ZP3: variants seen among roughly 807,000 people sequenced by gnomAD.
ZP3 encodes the protein zona pellucida glycoprotein 3.
A neutral mutation model predicts 35.6 loss-of-function variants in ZP3; 21 were observed. That is an observed-to-expected ratio of 0.59 (90% CI 0.42 to 0.85). The LOEUF (loss-of-function observed/expected upper bound fraction) is 0.85, where lower values mean the gene tolerates loss of function less well. ZP3 is among the 40% of genes least tolerant of loss of function. The probability of loss-of-function intolerance (pLI) is 0.00; values close to 1 mark genes in which losing one functional copy is unlikely to be tolerated. For missense variants in ZP3, 437 were observed against 536.5 expected (o/e 0.81, Z 1.83); for synonymous variants, 207 against 214.5 (o/e 0.96, Z 0.31).
At chr7:76,437,829 G>C (rs1486223209) in intron 5 of ZP3, among the ~76,000 whole-genome samples, 3 of 152,094 alleles carry the variant, frequency 2.0e-5, no homozygotes, top group African/African-American at 7.2e-5. Context: ...CCGCTATAGG[G>C]GAACTGCCCT....
intron 5 of ZP3, among the ~76,000 whole-genome samples, chr7:76,435,333 C>CTAG (rs1805960870): frequency 6.6e-6 from 1 of 152,150 alleles, no homozygotes; most frequent in Admixed American, 6.5e-5. Context: ...TTTTGTATTT[C>CTAG]TAGTAGAGAC....
chr7:76,400,817 G>A (rs1584027230), intron 1 of ZP3, among the ~76,000 whole-genome samples: 2 of 152,234 alleles, frequency 1.3e-5, no homozygotes, highest in Admixed American at 6.5e-5. Flanking sequence ...CAGGTTACCC[G>A]CTTTGCCATG....
intron 1 of ZP3, among the ~76,000 whole-genome samples, chr7:76,413,410 A>C (rs1055602974): frequency 6.6e-6 from 1 of 150,698 alleles, no homozygotes; most frequent in Non-Finnish European, 1.5e-5. Context: ...CTACAGGCGC[A>C]TGCCACCACA....
Position 76,433,048 on chromosome 7 carries a change from G to A in ZP3, c.535+18G>A. ...GATGGAGGGTAAGAGAAGAAGGCTG[G>A]GTGGGACATCTGTGGAAAGACCTGG... On this transcript the variant is annotated intron_variant, in intron 3 of 7. Transcript: ENST00000394857. 6.3e-7 allele frequency: 1 copy of A among 1,593,176 alleles called. No homozygotes were observed. Among genetic ancestry groups the A allele is most frequent in the Admixed American group, 1.7e-5 (1 of 58,156 alleles).
rs1203007702 is a variant in ZP3, at chr7:76,432,985, G to C, written c.490G>C (p.Val164Leu). 1.2e-6 allele frequency: 2 copies of C among 1,614,156 alleles called. No homozygotes were observed. Among genetic ancestry groups the C allele is most frequent in the East Asian group, 2.2e-5 (1 of 44,890 alleles). The change falls in exon 3 of 8, where the codon GTG (valine) becomes CTG (leucine). Residue 164 changes from valine (V) to leucine (L), a missense_variant. Val to Leu is a conservative substitution (Grantham distance 32). This residue lies in a region of ZP3 where 352 missense variants were observed against 308.4 expected (regional missense o/e 1.14). Transcript: ENST00000394857. The stretch of plus-strand genomic sequence containing the variant: ...CACCTGGTTGCCCTTCAGGACCACG[G>C]TGTTCTCAGAGGAGAAGCTGACTTT... Reference protein sequence around the residue: ...LPTWLPFRTTVFSEEKLTFSL... With the variant: ...LPTWLPFRTTLFSEEKLTFSL...
At chr7:76,418,550 CAA>C (rs1203476650) in intron 1 of ZP3, among the ~76,000 whole-genome samples, 33 of 30,032 alleles carry the variant, frequency 1.1e-3, no homozygotes, top group Admixed American at 2.5e-3. Flanking sequence ...GATTTCATCT[CAA>C]AAAAAAAAAA....
At chr7:76,425,789 A>AC (rs1805632262) in intron 1 of ZP3, among the ~76,000 whole-genome samples, 2 of 151,928 alleles carry the variant, frequency 1.3e-5, no homozygotes, top group Admixed American at 1.3e-4. Context: ...ACATAGTGAG[A>AC]CCCCATCTCT....
chr7:76,403,526 C>G (rs1208378106), intron 1 of ZP3, among the ~76,000 whole-genome samples: 1 of 151,262 alleles, frequency 6.6e-6, no homozygotes, highest in Non-Finnish European at 1.5e-5. Context: ...TTAGTAGAGA[C>G]GGGGTTTCAC....
chr7:76,416,196 G>A (rs62476848), intron 1 of ZP3, among the ~76,000 whole-genome samples: 27,061 of 151,958 alleles, frequency 0.18, 2,698 homozygotes, highest in South Asian at 0.27. Context: ...GGGAGGCTGA[G>A]GCAGGAGGAT....
At chr7:76,427,239 G>A (rs888280011) in intron 1 of ZP3, among the ~76,000 whole-genome samples, 7 of 152,110 alleles carry the variant, frequency 4.6e-5, no homozygotes, top group African/African-American at 9.7e-5. Context: ...GCGGCTGGCC[G>A]TGCGCAGTGG....
chr7:76,423,021 G>A (rs6977843), upstream of ZP3, among the ~76,000 whole-genome samples: 1,039 of 72,796 alleles, frequency 0.014, 65 homozygotes, highest in African/African-American at 0.069. Flanking sequence ...GAGAGAGAGA[G>A]AGAGAGAAAG....
upstream of ZP3, among the ~76,000 whole-genome samples, chr7:76,423,017 G>GAAAGAA (rs1198086559): frequency 2.8e-5 from 2 of 71,842 alleles, no homozygotes; most frequent in Non-Finnish European, 5.2e-5. Context: ...AAGAGAGAGA[G>GAAAGAA]AGAGAGAGAG....
upstream of ZP3, among the ~76,000 whole-genome samples, chr7:76,423,173 G>A (rs901582270): frequency 2.6e-5 from 4 of 151,302 alleles, no homozygotes; most frequent in African/African-American, 7.3e-5. Context: ...GCATGAGAGA[G>A]AGAGGGAGAG....
At chr7:76,423,006 A>AG (rs1491253027), upstream of ZP3, among the ~76,000 whole-genome samples, 141 of 59,422 alleles carry the variant, frequency 2.4e-3, 5 homozygotes, top group Admixed American at 8.2e-3. Context: ...CAAAAGAAAG[A>AG]AAGAGAGAGA....
chr7:76,416,883 TAC>T (rs201898354), intron 1 of ZP3, among the ~76,000 whole-genome samples: 1 of 139,924 alleles, frequency 7.1e-6, no homozygotes, highest in African/African-American at 3.0e-5. Flanking sequence ...TATACACACA[TAC>T]ATATATATAC....
At position 76,426,654 on chromosome 7, in the gene ZP3, C is replaced by T. The variant is rs117043469; in HGVS notation, c.312+1378C>T. On this transcript the variant is annotated intron_variant, in intron 1 of 7. Transcript: ENST00000394857. ...GGGAGCCAGGTGCCTGGCTCCCCCCCCTTCTGTGAAATGGGCTTTAATAGG... is the reference window on the plus strand; with the variant it reads ...GGGAGCCAGGTGCCTGGCTCCCCCCTCTTCTGTGAAATGGGCTTTAATAGG... Among the ~76,000 whole-genome samples the T allele has an allele frequency of 2.6e-3, 398 of 152,154 alleles. 1 individual carries two copies. Among genetic ancestry groups the T allele is most frequent in the African/African-American group, 9.1e-3 (377 of 41,526 alleles).
intron 5 of ZP3, among the ~76,000 whole-genome samples, chr7:76,437,978 G>C (rs1364749606): frequency 1.3e-5 from 2 of 152,206 alleles, no homozygotes; most frequent in Non-Finnish European, 2.9e-5. Context: ...TGGGCAGCTG[G>C]ACAACTGCTA....
At chr7:76,411,192 A>C (rs977974619) in intron 1 of ZP3, among the ~76,000 whole-genome samples, 6 of 151,654 alleles carry the variant, frequency 4.0e-5, no homozygotes, top group African/African-American at 1.5e-4. Context: ...CTCCATCTGC[A>C]CATCTATCTG....
chr7:76,405,050 A>G (rs2115804024), intron 1 of ZP3, among the ~76,000 whole-genome samples: 1 of 151,366 alleles, frequency 6.6e-6, no homozygotes, highest in East Asian at 2.0e-4. Flanking sequence ...AGCCTGGGCG[A>G]CAGAGCAAGA....
Sources: allele counts gnomAD v4.1 joint callset (sites outside exome capture counted in the v4.1 genomes callset), GRCh38; gene constraint gnomAD v4.1.1; regional missense constraint gnomAD v4.1.1; transcripts MANE v1.5; gene names NCBI Gene and HGNC (gene_info 2026-07-23, HGNC 2026-07-21).